FSIP2: variants seen among roughly 807,000 people sequenced by gnomAD.
The protein encoded by FSIP2 is fibrous sheath interacting protein 2.
Under a neutral mutation model 510.5 loss-of-function variants are expected in FSIP2, and 367 were observed. The observed-to-expected ratio is 0.72, with a 90% confidence interval of 0.66 to 0.78. The LOEUF is 0.78. Among genes scored for constraint, FSIP2 ranks in the 30% least tolerant of loss-of-function variants. The pLI, the probability that FSIP2 is intolerant of heterozygous loss-of-function variation, is 0.00. For synonymous variants in FSIP2, 2,601 were observed against 2,732.2 expected, an observed-to-expected ratio of 0.95 and a Z score of 1.50; for missense variants, 7,594 against 7,901.7, an observed-to-expected ratio of 0.96 and a Z score of 1.48.
chr2:185,781,976 C>A (rs1692859614), intron 13 of FSIP2, among the ~76,000 whole-genome samples: 1 of 152,150 alleles, frequency 6.6e-6, no homozygotes, highest in South Asian at 2.1e-4. Flanking sequence ...GCAGCTGGGA[C>A]TACAGGCGCA....
intron 13 of FSIP2, among the ~76,000 whole-genome samples, chr2:185,779,226 T>C (rs982886729): frequency 2.0e-5 from 3 of 151,994 alleles, no homozygotes; most frequent in African/African-American, 7.2e-5. Flanking sequence ...GTGGTTTCTT[T>C]GTCCTACTTT....
intron 13 of FSIP2, among the ~76,000 whole-genome samples, chr2:185,781,467 G>T (rs547616965): frequency 1.3e-5 from 2 of 152,134 alleles, no homozygotes; most frequent in Non-Finnish European, 2.9e-5. Context: ...GAACCCCACT[G>T]TAAGTCAAGA....
At chr2:185,772,518 C>T (rs1332917467) in intron 13 of FSIP2, among the ~76,000 whole-genome samples, 1 of 152,114 alleles carries the variant, frequency 6.6e-6, no homozygotes, top group African/African-American at 2.4e-5. Flanking sequence ...AAGAAAGCAG[C>T]AGTGGGTGGG....
chr2:185,785,384 T>C (rs1462936763), intron 14 of FSIP2, among the ~76,000 whole-genome samples: 1 of 152,018 alleles, frequency 6.6e-6, no homozygotes, highest in Non-Finnish European at 1.5e-5. Context: ...ATACAGGATA[T>C]AGTTTTCAGT....
intron 13 of FSIP2, among the ~76,000 whole-genome samples, chr2:185,773,248 G>C (rs1692646316): frequency 6.6e-6 from 1 of 152,138 alleles, no homozygotes; most frequent in Non-Finnish European, 1.5e-5. Context: ...TCCTGAATTT[G>C]TGAAGCTTAA....
chr2:185,750,318 C>T (rs984309463), intron 7 of FSIP2, among the ~76,000 whole-genome samples: 26 of 151,452 alleles, frequency 1.7e-4, no homozygotes, highest in African/African-American at 6.3e-4. Flanking sequence ...TAACTACATA[C>T]CTATTCAAAA....
chr2:185,761,007 T>A lies in FSIP2; in HGVS notation c.1098T>A (p.Ala366=). ...KETHGHTANA[A]HQRQNSSNNF... ...TTTTAGGACATACAGCAAATGCTGCTCATCAGCGTCAAAATAGTTCAAATA... is the reference window on the plus strand; with the variant it reads ...TTTTAGGACATACAGCAAATGCTGCACATCAGCGTCAAAATAGTTCAAATA... Residue 366 remains alanine (A), a synonymous_variant, in exon 10 of 23, where the codon GCT becomes GCA. Transcript: ENST00000424728. 6.8e-7 allele frequency: 1 copy of A among 1,480,326 alleles called. No individual in the cohort carries two copies. Among genetic ancestry groups the A allele is most frequent in the Non-Finnish European group, 9.0e-7 (1 of 1,108,406 alleles). The allele number at this position is 1,480,326 out of a possible 1,614,324, so 91.7% of individuals were successfully genotyped here. A position where few individuals can be genotyped will look rare whatever the true frequency, so the allele number is the denominator to read the frequency against.
chr2:185,740,235 C>G (rs1204023199), intron 2 of FSIP2: 2 of 152,210 alleles, frequency 1.3e-5, no homozygotes, highest in African/African-American at 4.8e-5. Context: ...TGATAGCCCC[C>G]CCGTTAGCTT....
chr2:185,786,784 C>T (rs1019430), intron 15 of FSIP2, among the ~76,000 whole-genome samples: 82,508 of 151,456 alleles, frequency 0.54, 22,718 homozygotes, highest in South Asian at 0.64. Context: ...GGATCTAGAC[C>T]GAAAAGTCAG....
At chr2:185,813,208 A>C (rs1693770098) in intron 17 of FSIP2, among the ~76,000 whole-genome samples, 1 of 152,020 alleles carries the variant, frequency 6.6e-6, no homozygotes, top group Non-Finnish European at 1.5e-5. Flanking sequence ...GGATTTTGGA[A>C]AATAGGTTAT....
At chr2:185,764,042 A>G (rs1328322183) in intron 12 of FSIP2, among the ~76,000 whole-genome samples, 1 of 151,594 alleles carries the variant, frequency 6.6e-6, no homozygotes, top group Non-Finnish European at 1.5e-5. Context: ...CAGCTTTGAC[A>G]TTGGGTGTCA....
At chr2:185,786,346 C>A in intron 15 of FSIP2, 58 bp downstream of exon 15, 1 of 1,104,828 alleles carries the variant, frequency 9.1e-7, no homozygotes, top group Non-Finnish European at 1.3e-6. Flanking sequence ...TCTGATGCAT[C>A]ATAATAGAAA....
rs538040753 is a variant in FSIP2, at chr2:185,788,343, C to CA, written c.1507-290dup. The CA allele has an allele frequency of 5.9e-3, 1,022 of 174,412 alleles. 1 individual carries two copies. The highest frequency in any genetic ancestry group is 0.011 in the African/African-American group (456 of 40,768). The allele number at this position is 174,412 out of a possible 1,614,324, so 10.8% of individuals were successfully genotyped here. A position where few individuals can be genotyped will look rare whatever the true frequency, so the allele number is the denominator to read the frequency against. On this transcript the variant is annotated intron_variant, in intron 15 of 22. Coordinates refer to ENST00000424728, the MANE Select transcript of FSIP2 (RefSeq NM_173651.4). ...GACAGCAATTTAGTGATATTTTTAA[C>CA]AAAAAAAAAATCATTTATACTGATA...
In FSIP2 at chr2:185,753,766, A is replaced by C. The variant is rs1291132698; in HGVS notation, c.915A>C (p.Lys305Asn). 18 of 1,420,086 alleles carry C rather than the reference A, an allele frequency of 1.3e-5. No individual in the cohort carries two copies. The highest frequency in any genetic ancestry group is 1.5e-5 in the Non-Finnish European group (16 of 1,057,210). The allele number at this position is 1,420,086 out of a possible 1,614,324, so 88.0% of individuals were successfully genotyped here. A position where few individuals can be genotyped will look rare whatever the true frequency, so the allele number is the denominator to read the frequency against. ...LEKKMAYHLQ[K>N]MQDTGFNGED... ...AAAAAATGGCTTATCATTTACAAAA[A>C]ATGCAAGATACTGGCTTTAACGGAG... The change falls in exon 8 of 23, where the codon AAA becomes AAC. Residue 305 changes from lysine to asparagine, a missense_variant. Lys to Asn is a moderately conservative substitution (Grantham distance 94, BLOSUM62 0). Coordinates refer to ENST00000424728, the MANE Select transcript of FSIP2 (RefSeq NM_173651.4).
chr2:185,823,675 G>A (rs1693965677), intron 19 of FSIP2, among the ~76,000 whole-genome samples: 1 of 151,738 alleles, frequency 6.6e-6, no homozygotes, highest in South Asian at 2.1e-4. Context: ...GTGGAAAACA[G>A]TATTGGGGGT....
intron 19 of FSIP2, among the ~76,000 whole-genome samples, chr2:185,816,971 GAAA>G (rs143436937): frequency 1.5e-4 from 15 of 101,196 alleles, no homozygotes; most frequent in South Asian, 8.4e-4. Flanking sequence ...AAGAAGGAAA[GAAA>G]AAAAGAAAAG....
intron 19 of FSIP2, among the ~76,000 whole-genome samples, chr2:185,819,991 A>G (rs1693885586): frequency 6.6e-6 from 1 of 151,976 alleles, no homozygotes; most frequent in Admixed American, 6.6e-5. Flanking sequence ...ATAATAGTAA[A>G]TGACTTCAGT....
intron 19 of FSIP2, among the ~76,000 whole-genome samples, chr2:185,818,300 G>GA (rs1693859244): frequency 6.6e-6 from 1 of 151,202 alleles, no homozygotes; most frequent in Non-Finnish European, 1.5e-5. Context: ...AAAAAAGATT[G>GA]AAAAAAAAGT....
At position 185,792,787 on chromosome 2, in the gene FSIP2, C is replaced by G; in HGVS notation, c.5651C>G (p.Thr1884Ser). 6.5e-7 allele frequency: 1 copy of G among 1,534,050 alleles called. No individual in the cohort carries two copies. Among genetic ancestry groups the G allele is most frequent in the Non-Finnish European group, 8.7e-7 (1 of 1,145,416 alleles). ...FSANVSSHEHTYKGKSSVTAL... is the reference protein window; with the variant it reads ...FSANVSSHEHSYKGKSSVTAL... ...GCAAATGTTTCTTCTCATGAACACA[C>G]CTATAAAGGAAAGTCCTCTGTCACG... The change falls in exon 16 of 23, where the codon ACC (threonine) becomes AGC (serine). Residue 1884 changes from threonine (T) to serine (S), a missense_variant. By Grantham distance (58) the Thr-to-Ser change is moderately conservative (BLOSUM62 1). Coordinates refer to ENST00000424728, the MANE Select transcript of FSIP2 (RefSeq NM_173651.4).
Sources: gnomAD v4.1 joint callset for allele counts (sites outside exome capture counted in the v4.1 genomes callset) on GRCh38, gnomAD v4.1.1 for gene constraint, MANE v1.5 for transcripts, NCBI Gene and HGNC (gene_info 2026-07-23, HGNC 2026-07-21) for gene names.